The following PLCG2 variants were observed in gnomAD, a reference collection of about 807,000 sequenced individuals.
PLCG2 encodes phospholipase C gamma 2.
In PLCG2, 69 loss-of-function variants were observed where a neutral mutation model predicts 175.6. That is an observed-to-expected ratio of 0.39 (90% CI 0.32 to 0.48). The LOEUF is 0.48. PLCG2 is among the 20% of genes least tolerant of loss of function. The pLI is 0.91. For missense variants in PLCG2, 1,798 were observed against 1,650.9 expected, an observed-to-expected ratio of 1.09 and a Z score of -1.54; for synonymous variants, 827 against 624.0, an observed-to-expected ratio of 1.33 and a Z score of -4.85.
intron 2 of PLCG2, among the ~76,000 whole-genome samples, chr16:81,789,253 CTGAG>C (rs1410051242): frequency 1.3e-5 from 2 of 152,252 alleles, no homozygotes; most frequent in Non-Finnish European, 2.9e-5. Context: ...TCCCCTTCTG[CTGAG>C]TAATACCATT....
In PLCG2 at chr16:81,936,226, T is replaced by A; in HGVS notation, c.2900T>A (p.Ile967Asn). The change falls in exon 27 of 33, where the codon ATC becomes AAC. Residue 967 changes from isoleucine to asparagine, a missense_variant. Coordinates refer to ENST00000564138, the MANE Select transcript of PLCG2 (RefSeq NM_002661.5). ...GTGGAGACGAAGGCTGACAGCATCATCAGACAGAAGCCCGTCGACCTCCTG... is the reference window on the plus strand; with the variant it reads ...GTGGAGACGAAGGCTGACAGCATCAACAGACAGAAGCCCGTCGACCTCCTG... ...SFVETKADSI[I>N]RQKPVDLLKY... is the part of the protein sequence containing the mutation. 6.2e-7 allele frequency: 1 copy of A among 1,614,106 alleles called. No individual in the cohort carries two copies. Among genetic ancestry groups the A allele is most frequent in the Non-Finnish European group, 8.5e-7 (1 of 1,180,004 alleles).
At chr16:81,862,781 G>T (rs2143504995) in intron 5 of PLCG2, among the ~76,000 whole-genome samples, 1 of 152,140 alleles carries the variant, frequency 6.6e-6, no homozygotes, top group East Asian at 1.9e-4. Flanking sequence ...TGAGGTGGGA[G>T]GATCATCTGA....
intron 9 of PLCG2, among the ~76,000 whole-genome samples, chr16:81,888,912 C>T (rs965813470): frequency 3.9e-5 from 6 of 152,132 alleles, no homozygotes; most frequent in African/African-American, 1.4e-4. Flanking sequence ...AACACAACAG[C>T]GGAGTTGAGT....
chr16:81,814,446 A>T (rs1166750891), intron 2 of PLCG2, among the ~76,000 whole-genome samples: 2 of 152,102 alleles, frequency 1.3e-5, no homozygotes, highest in African/African-American at 4.8e-5. Context: ...TAATCCCAGC[A>T]CTTGTGGAGA....
chr16:81,928,079 C>A (rs1472970612), intron 23 of PLCG2, among the ~76,000 whole-genome samples: 1 of 151,996 alleles, frequency 6.6e-6, no homozygotes, highest in Admixed American at 6.5e-5. Flanking sequence ...TGGGATGGTT[C>A]AAGGGTGCAA....
At chr16:81,760,039 T>A (rs144050781) in intron 2 of PLCG2, among the ~76,000 whole-genome samples, 19 of 152,272 alleles carry the variant, frequency 1.2e-4, no homozygotes, top group African/African-American at 4.6e-4. Context: ...GGCAGGAGAA[T>A]GGCGTGAACC....
intron 2 of PLCG2, among the ~76,000 whole-genome samples, chr16:81,826,613 G>A (rs578055902): frequency 6.6e-6 from 1 of 152,326 alleles, no homozygotes; most frequent in African/African-American, 2.4e-5. Context: ...ACAATACTCA[G>A]TGCTTCAAAT....
rs1396214023 is a variant in PLCG2, at chr16:81,805,831, A to G, written c.193+19649A>G. Among the ~76,000 whole-genome samples the G allele has an allele frequency of 1.2e-4, 14 of 118,000 alleles. No homozygotes were observed. In the South Asian group the frequency reaches 3.5e-3, roughly 29 times the overall value. The allele number at this position is 118,000 out of a possible 152,430, so 77.4% of individuals were successfully genotyped here. The stretch of plus-strand genomic sequence containing the variant: ...TTGTTGTTTTGTTTTTTAAATAGAG[A>G]TGGGATTTTGTTCTGGGTGAAGTGA... On this transcript the variant is annotated intron_variant, in intron 2 of 32. Coordinates refer to ENST00000564138, the MANE Select transcript of PLCG2 (RefSeq NM_002661.5).
At chr16:81,833,205 G>C (rs1905341744) in intron 2 of PLCG2, among the ~76,000 whole-genome samples, 2 of 152,224 alleles carry the variant, frequency 1.3e-5, no homozygotes, top group Non-Finnish European at 2.9e-5. Context: ...AGCAACCCCA[G>C]AATGAAAATC....
At chr16:81,945,920 TG>T (rs1388247151) in intron 30 of PLCG2, among the ~76,000 whole-genome samples, 1 of 152,128 alleles carries the variant, frequency 6.6e-6, no homozygotes, top group Non-Finnish European at 1.5e-5. Context: ...TTCTTCTGAG[TG>T]AATCATTTTT....
chr16:81,814,551 C>G (rs1163202356), intron 2 of PLCG2, among the ~76,000 whole-genome samples: 2 of 152,074 alleles, frequency 1.3e-5, no homozygotes, highest in Non-Finnish European at 2.9e-5. Context: ...GAAAATTAGC[C>G]AGGCATGGTG....
At position 81,940,053 on chromosome 16, in the gene PLCG2, A is replaced by C; in HGVS notation, c.3475A>C (p.Lys1159Gln). The C allele has an allele frequency of 6.2e-7, 1 of 1,608,048 alleles. No individual in the cohort carries two copies. Among genetic ancestry groups the C allele is most frequent in the South Asian group, 1.1e-5 (1 of 90,936 alleles). ...TGCCACTTACCCCATTAAAGCAGTC[A>C]AATCAGGTAAGAGGCATTTTAATTA... is the stretch of plus-strand genomic sequence containing the variant. ...AHATYPIKAV[K>Q]SGFRSVPLKN... The change falls in exon 30 of 33, where the codon AAA becomes CAA. Residue 1159 changes from lysine (K) to glutamine (Q), a missense_variant. Lys to Gln is a moderately conservative substitution (Grantham distance 53). Coordinates refer to ENST00000564138, the MANE Select transcript of PLCG2 (RefSeq NM_002661.5).
chr16:81,788,442 G>T (rs375439405), intron 2 of PLCG2, among the ~76,000 whole-genome samples: 1 of 152,032 alleles, frequency 6.6e-6, no homozygotes, highest in Non-Finnish European at 1.5e-5. Flanking sequence ...CACCACGCCC[G>T]GCTAATTTTT....
At chr16:81,774,185 A>G (rs1298010880) in intron 2 of PLCG2, among the ~76,000 whole-genome samples, 11 of 145,650 alleles carry the variant, frequency 7.6e-5, no homozygotes, top group African/African-American at 2.7e-4. Context: ...TACAAAAAAA[A>G]AAAAAAAAAA....
At chr16:81,763,265 C>G (rs899280260) in intron 2 of PLCG2, among the ~76,000 whole-genome samples, 2 of 152,240 alleles carry the variant, frequency 1.3e-5, no homozygotes, top group Admixed American at 6.5e-5. Flanking sequence ...GCAAAATAAT[C>G]TCCCTGTATC....
intron 14 of PLCG2, among the ~76,000 whole-genome samples, chr16:81,903,332 C>T (rs774236506): frequency 6.7e-4 from 102 of 152,130 alleles, no homozygotes; most frequent in Non-Finnish European, 1.2e-3. Flanking sequence ...AACCCGTCAA[C>T]AGAGAAACAC....
At chr16:81,907,813 A>G (rs751110939) in intron 16 of PLCG2, 39 bp downstream of exon 16, 3 of 1,460,886 alleles carry the variant, frequency 2.1e-6, no homozygotes, top group South Asian at 1.1e-5. Context: ...GGAGGTCCCC[A>G]GGAACCCCGA....
chr16:81,768,038 C>T (rs1200246592), intron 2 of PLCG2, among the ~76,000 whole-genome samples: 2 of 152,122 alleles, frequency 1.3e-5, no homozygotes, highest in African/African-American at 4.8e-5. Context: ...TACAGGCACC[C>T]GCCACCATGC....
chr16:81,838,274 A>T (rs563255413), intron 2 of PLCG2, among the ~76,000 whole-genome samples: 1 of 151,998 alleles, frequency 6.6e-6, no homozygotes, highest in Non-Finnish European at 1.5e-5. Context: ...TTTAGTAGAG[A>T]TGGGGTTTCA....
Sources: gnomAD v4.1 joint callset for allele counts (sites outside exome capture counted in the v4.1 genomes callset) on GRCh38, gnomAD v4.1.1 for gene constraint, MANE v1.5 for transcripts, NCBI Gene and HGNC (gene_info 2026-07-23, HGNC 2026-07-21) for gene names.